Variants in SPATA6 observed in about 807,000 individuals in gnomAD.
SPATA6 encodes spermatogenesis-associated protein 6.
In SPATA6, 56 loss-of-function variants were observed where a neutral mutation model predicts 65.3. The ratio of observed to expected loss-of-function variants is 0.86; its 90% CI spans 0.69 to 1.07. The LOEUF (loss-of-function observed/expected upper bound fraction) is 1.07. SPATA6 is among the 50% of genes least tolerant of loss of function. The pLI is 0.00. For synonymous variants in SPATA6, 199 were observed against 213.2 expected (o/e 0.93, Z 0.58); for missense variants, 590 against 594.8 (o/e 0.99, Z 0.08).
At chr1:48,315,890 C>T (rs982293743) in intron 11 of SPATA6, among the ~76,000 whole-genome samples, 1 of 151,866 alleles carries the variant, frequency 6.6e-6, no homozygotes, top group African/African-American at 2.4e-5. Context: ...TTCTTATATA[C>T]CAAGAACAAA....
At chr1:48,451,210 T>C (rs955415521) in intron 3 of SPATA6, among the ~76,000 whole-genome samples, 2 of 152,216 alleles carry the variant, frequency 1.3e-5, no homozygotes, top group Non-Finnish European at 2.9e-5. Flanking sequence ...AGAAGACATA[T>C]TTCTGTTTGC....
chr1:48,436,318 A>C (rs1484756019), intron 3 of SPATA6: 1 of 1,612,870 alleles, frequency 6.2e-7, no homozygotes, highest in Non-Finnish European at 8.5e-7. Flanking sequence ...CCGGCATCCC[A>C]ATATTACAAC....
At chr1:48,291,321 C>G (rs1644765915), downstream of SPATA6, among the ~76,000 whole-genome samples, 1 of 152,108 alleles carries the variant, frequency 6.6e-6, no homozygotes, top group Non-Finnish European at 1.5e-5. Context: ...TTGTCTTTGG[C>G]TACCAGGGCG....
chr1:48,277,352 T>C, the SPATA6 span, among the ~76,000 whole-genome samples: 2 of 152,186 alleles, frequency 1.3e-5, no homozygotes, highest in South Asian at 4.1e-4. Context: ...CAGCGCACCA[T>C]GCGTGAGCCA....
chr1:48,349,413 C>T (rs1478273936), intron 11 of SPATA6, among the ~76,000 whole-genome samples: 1 of 151,948 alleles, frequency 6.6e-6, no homozygotes, highest in Admixed American at 6.6e-5. Context: ...TTATTTAGGT[C>T]AGTTAATTTA....
At chr1:48,284,937 C>T in the SPATA6 span, among the ~76,000 whole-genome samples, 1 of 152,180 alleles carries the variant, frequency 6.6e-6, no homozygotes, top group Non-Finnish European at 1.5e-5. Flanking sequence ...TAGTCTGACC[C>T]TTAGCAGAGC....
chr1:48,307,840 TTTTA>T (rs773968779), intron 11 of SPATA6, among the ~76,000 whole-genome samples: 17 of 151,940 alleles, frequency 1.1e-4, no homozygotes, highest in Non-Finnish European at 1.5e-4. Flanking sequence ...TATAAAATAT[TTTTA>T]TTTGTCTTTA....
chr1:48,346,354 A>T (rs999510979), intron 11 of SPATA6, among the ~76,000 whole-genome samples: 1 of 152,118 alleles, frequency 6.6e-6, no homozygotes, highest in Non-Finnish European at 1.5e-5. Flanking sequence ...TATACAACAA[A>T]CTGACAGTCA....
chr1:48,388,992 T>A (rs1649779327), intron 8 of SPATA6, among the ~76,000 whole-genome samples: 1 of 152,146 alleles, frequency 6.6e-6, no homozygotes, highest in African/African-American at 2.4e-5. Flanking sequence ...TTCAAGCAGC[T>A]CTCCTTCCTC....
intron 9 of SPATA6, among the ~76,000 whole-genome samples, chr1:48,366,763 T>C (rs1457126386): frequency 1.3e-5 from 2 of 152,278 alleles, no homozygotes; most frequent in East Asian, 1.9e-4. Flanking sequence ...GATTCATTGA[T>C]TTTTTGAAGG....
At chr1:48,293,817 C>T (rs1644783632), downstream of SPATA6, among the ~76,000 whole-genome samples, 1 of 152,114 alleles carries the variant, frequency 6.6e-6, no homozygotes, top group South Asian at 2.1e-4. Flanking sequence ...CTCCCCAACC[C>T]CCATATACAC....
At chr1:48,323,867 C>T (rs1350415799) in intron 11 of SPATA6, among the ~76,000 whole-genome samples, 1 of 152,098 alleles carries the variant, frequency 6.6e-6, no homozygotes, top group East Asian at 1.9e-4. Flanking sequence ...AAAAAGTCTC[C>T]TAGCAAAGAA....
chr1:48,406,131 T>C (rs1158306305), intron 5 of SPATA6, among the ~76,000 whole-genome samples: 4 of 152,040 alleles, frequency 2.6e-5, no homozygotes, highest in African/African-American at 9.7e-5. Context: ...ACAATCACTA[T>C]AGACATTCCT....
At chr1:48,406,287 AG>A (rs1651698124) in intron 5 of SPATA6, among the ~76,000 whole-genome samples, 1 of 152,174 alleles carries the variant, frequency 6.6e-6, no homozygotes, top group Non-Finnish European at 1.5e-5. Flanking sequence ...TTTCCTCTTC[AG>A]GTCTTCAATT....
chr1:48,432,171 G>A (rs1654465890), intron 3 of SPATA6, among the ~76,000 whole-genome samples: 1 of 151,966 alleles, frequency 6.6e-6, no homozygotes, highest in African/African-American at 2.4e-5. Flanking sequence ...TACAATTTAA[G>A]GACCTAGAAA....
At chr1:48,344,389 T>C (rs1168849646) in intron 11 of SPATA6, 2 of 151,918 alleles carry the variant, frequency 1.3e-5, no homozygotes, top group African/African-American at 2.4e-5. Context: ...AAGCCCTAAA[T>C]ATGGAAAGGA....
intron 11 of SPATA6, among the ~76,000 whole-genome samples, chr1:48,321,014 CAACAT>C (rs1645584053): frequency 1.3e-5 from 2 of 151,604 alleles, no homozygotes; most frequent in Non-Finnish European, 2.9e-5. Context: ...TAAAATAATA[CAACAT>C]AACACAAAAA....
chr1:48,312,596 A>G (rs1263054414), intron 11 of SPATA6, among the ~76,000 whole-genome samples: 1 of 152,208 alleles, frequency 6.6e-6, no homozygotes, highest in African/African-American at 2.4e-5. Context: ...AAAGATGGGG[A>G]AAAAACAGAG....
chr1:48,351,295 TTTC>T (rs1646508041), intron 11 of SPATA6, among the ~76,000 whole-genome samples: 1 of 152,008 alleles, frequency 6.6e-6, no homozygotes. Flanking sequence ...TACAGTTACG[TTTC>T]TTCCTTTCTA....
Sources: gnomAD v4.1 joint callset for allele counts (sites outside exome capture counted in the v4.1 genomes callset) on GRCh38, gnomAD v4.1.1 for gene constraint, MANE v1.5 for transcripts, NCBI Gene and HGNC (gene_info 2026-07-23, HGNC 2026-07-21) for gene names.